The following NEBL variants were observed in gnomAD, a reference collection of about 807,000 sequenced individuals.
NEBL encodes the protein LIM and SH3 protein 2.
A neutral mutation model predicts 140.2 loss-of-function variants in NEBL; 122 were observed. The observed-to-expected ratio is 0.87, with a 90% CI of 0.75 to 1.01. The LOEUF (loss-of-function observed/expected upper bound fraction) is 1.01. NEBL is among the 50% of genes least tolerant of loss of function. The pLI is 0.00. For missense variants in NEBL, 1,365 were observed against 1,231.3 expected (o/e 1.11, Z -1.62); for synonymous variants, 436 against 398.9 (o/e 1.09, Z -1.11).
intron 3 of NEBL, among the ~76,000 whole-genome samples, chr10:21,215,646 T>G (rs894817831): frequency 6.6e-6 from 1 of 152,136 alleles, no homozygotes; most frequent in African/African-American, 2.4e-5. Flanking sequence ...CAGACTAGTT[T>G]TTTTTGTTTT....
chr10:21,210,111 G>A (rs139301474), intron 3 of NEBL, among the ~76,000 whole-genome samples: 242 of 152,272 alleles, frequency 1.6e-3, no homozygotes, highest in African/African-American at 5.4e-3. Context: ...AACATCATGG[G>A]CAGGGCATGG....
At chr10:21,006,783 G>T (rs1838155269) in intron 3 of NEBL, among the ~76,000 whole-genome samples, 1 of 152,182 alleles carries the variant, frequency 6.6e-6, no homozygotes, top group African/African-American at 2.4e-5. Context: ...ATTTAATTTT[G>T]CCAAGGATAA....
At chr10:21,189,601 A>T (rs1189590329) in intron 3 of NEBL, among the ~76,000 whole-genome samples, 1 of 152,094 alleles carries the variant, frequency 6.6e-6, no homozygotes, top group Non-Finnish European at 1.5e-5. Context: ...AGTAGCTGGG[A>T]CTACAGGCGC....
intron 4 of NEBL, among the ~76,000 whole-genome samples, chr10:20,957,577 CT>C (rs1672249470): frequency 2.0e-5 from 3 of 152,010 alleles, no homozygotes; most frequent in Non-Finnish European, 2.9e-5. Context: ...TTAGTCTATA[CT>C]GATCTAGGAA....
rs1401730666 is a variant in NEBL at position 21,215,127 on chromosome 10, T to G, written n.348+32794A>C. ...AATGAACTTTTAGTTTCTGTCTTCT[T>G]ACCTAACATACAATTTGGTTAGATT... On this transcript the variant is annotated intron_variant and non_coding_transcript_variant, in intron 3 of 8. Coordinates refer to the NEBL transcript ENST00000675702. Among the ~76,000 whole-genome samples, 5 of 152,324 alleles carry G rather than the reference T, an allele frequency of 3.3e-5. No individual in the cohort carries two copies. The East Asian group carries it at 9.6e-4, about 29-fold the overall frequency.
rs879306514 is a variant in NEBL at position 20,860,561 on chromosome 10, C to CAAAAAAAAA, written c.685-736_685-735insTTTTTTTTT. ...TTAGAATATAAACACAAGTTCACTACAAAAAGAAAAAAAAAAAAAAAAAAA... is the reference window on the plus strand; with the variant it reads ...TTAGAATATAAACACAAGTTCACTACAAAAAAAAAAAAAAGAAAAAAAAAAAAAAAAAAA... On this transcript the variant is annotated intron_variant, in intron 7 of 27. Coordinates refer to ENST00000377122, the MANE Select transcript of NEBL (RefSeq NM_006393.3). 8.4e-4 allele frequency among the ~76,000 whole-genome samples: 52 copies of CAAAAAAAAA among 61,884 alleles called. 9 individuals are homozygous for CAAAAAAAAA. Among genetic ancestry groups the CAAAAAAAAA allele is most frequent in the Admixed American group, 1.7e-3 (8 of 4,784 alleles). 40.6% of individuals were successfully genotyped at this position (61,884 alleles called of 152,430 possible).
intron 2 of NEBL, among the ~76,000 whole-genome samples, chr10:21,097,776 G>A (rs1837260718): frequency 2.0e-5 from 3 of 152,186 alleles, no homozygotes; most frequent in Admixed American, 6.5e-5. Context: ...CAACTGAAAT[G>A]ATTGTCATTC....
intron 2 of NEBL, among the ~76,000 whole-genome samples, chr10:21,048,249 T>A (rs1012046207): frequency 6.6e-6 from 1 of 152,126 alleles, no homozygotes; most frequent in Admixed American, 6.5e-5. Flanking sequence ...ACATTATAGT[T>A]CAGTGTAATT....
At chr10:21,234,697 T>G (rs1161875512) in intron 3 of NEBL, among the ~76,000 whole-genome samples, 1 of 152,186 alleles carries the variant, frequency 6.6e-6, no homozygotes, top group African/African-American at 2.4e-5. Flanking sequence ...CTCAGCCGAC[T>G]GGGATCAGAA....
intron 3 of NEBL, among the ~76,000 whole-genome samples, chr10:21,227,815 GTTCTTCTTCTTCT>G (rs759528047): frequency 3.2e-4 from 40 of 124,958 alleles, no homozygotes; most frequent in African/African-American, 7.2e-4. Flanking sequence ...TCTTCTTCTT[GTTCTTCTTCTTCT>G]TTCTTCTTCT....
chr10:20,801,812 C>T (rs1837151983), intron 26 of NEBL, among the ~76,000 whole-genome samples: 1 of 152,202 alleles, frequency 6.6e-6, no homozygotes, highest in South Asian at 2.1e-4. Context: ...TCTTGCAACT[C>T]TTGAATACGT....
At chr10:20,829,696 T>A (rs1840221873) in intron 16 of NEBL, among the ~76,000 whole-genome samples, 1 of 152,124 alleles carries the variant, frequency 6.6e-6, no homozygotes, top group African/African-American at 2.4e-5. Context: ...TTAAAATCCC[T>A]TAAAATTAGA....
chr10:20,855,577 C>T lies in NEBL; in HGVS notation c.903+2663G>A, dbSNP rs117064248. On this transcript the variant is annotated intron_variant, in intron 9 of 27. Transcript: ENST00000377122. ...TGAATTAAGATCTGCAAAAGAACTT[C>T]GAATGCGTGTCTTTCCTTATATAAC... Among the ~76,000 whole-genome samples the T allele has an allele frequency of 8.4e-4, 127 of 151,592 alleles. 1 individual carries two copies. In the East Asian group the frequency reaches 0.024, roughly 28 times the overall value.
chr10:21,264,775 A>G (rs1842779507), intron 1 of NEBL, among the ~76,000 whole-genome samples: 1 of 135,054 alleles, frequency 7.4e-6, no homozygotes, highest in Admixed American at 8.0e-5. Flanking sequence ...ACAGAAATGT[A>G]TTGCTCACAG....
chr10:21,001,824 G>A (rs1436440464), intron 3 of NEBL, among the ~76,000 whole-genome samples: 1 of 152,142 alleles, frequency 6.6e-6, no homozygotes, highest in East Asian at 1.9e-4. Context: ...AATAAGAACT[G>A]ATTTCCTCGC....
At chr10:21,127,845 A>G (rs772783955) in intron 2 of NEBL, among the ~76,000 whole-genome samples, 1 of 152,230 alleles carries the variant, frequency 6.6e-6, no homozygotes, top group Non-Finnish European at 1.5e-5. Context: ...TCTTAACTTG[A>G]GCAACTACTA....
chr10:21,077,076 T>C (rs1250932923), intron 2 of NEBL, among the ~76,000 whole-genome samples: 1 of 152,184 alleles, frequency 6.6e-6, no homozygotes, highest in East Asian at 1.9e-4. Flanking sequence ...CTTACCACAA[T>C]TTAAAAATAT....
intron 3 of NEBL, among the ~76,000 whole-genome samples, chr10:20,990,364 C>T (rs1161881218): frequency 6.6e-6 from 1 of 152,076 alleles, no homozygotes; most frequent in Non-Finnish European, 1.5e-5. Flanking sequence ...AAGGTGATGG[C>T]CTTCGGGAGG....
rs1031267255 is a variant in NEBL at position 20,785,641 on chromosome 10, A to T, written c.*106T>A. The T allele has an allele frequency of 7.7e-7, 1 of 1,292,504 alleles. No individual in the cohort carries two copies. The highest frequency in any genetic ancestry group is 2.5e-5 in the East Asian group (1 of 39,742). The allele number at this position is 1,292,504 out of a possible 1,614,324, so 80.1% of individuals were successfully genotyped here. A position where few individuals can be genotyped will look rare whatever the true frequency, so the allele number is the denominator to read the frequency against. On this transcript the variant is annotated 3_prime_UTR_variant, in exon 28 of 28. Coordinates refer to ENST00000377122, the MANE Select transcript of NEBL (RefSeq NM_006393.3). ...TGTCTAATTGTCAAAGGAAGGATAC[A>T]TCATTGTAAAATAATGGCCAAGTTG...
Sources: allele counts gnomAD v4.1 joint callset (sites outside exome capture counted in the v4.1 genomes callset), GRCh38; gene constraint gnomAD v4.1.1; transcripts MANE v1.5; gene names NCBI Gene and HGNC (gene_info 2026-07-23, HGNC 2026-07-21).